The following NUP155 variants were observed in gnomAD, a reference collection of about 807,000 sequenced individuals.
NUP155 encodes the protein nuclear pore complex protein Nup155.
A neutral mutation model predicts 180.4 loss-of-function variants in NUP155; 71 were observed. The ratio of observed to expected loss-of-function variants is 0.39; its 90% CI spans 0.33 to 0.48. The LOEUF is 0.48. NUP155 is among the 20% of genes least tolerant of loss of function. The pLI, the probability that NUP155 is intolerant of heterozygous loss-of-function variation, is 0.91. For missense variants in NUP155, 1,553 were observed against 1,648.9 expected (o/e 0.94, Z 1.01); for synonymous variants, 582 against 559.5 (o/e 1.04, Z -0.57).
In NUP155 at chr5:37,349,710, G is replaced by A. The variant is rs189640420; in HGVS notation, c.829+450C>T. Among the ~76,000 whole-genome samples the A allele has an allele frequency of 2.6e-5, 4 of 152,236 alleles. No individual in the cohort carries two copies. The East Asian group carries it at 7.7e-4, about 29-fold the overall frequency. On this transcript the variant is annotated intron_variant, in intron 7 of 34. Coordinates refer to ENST00000231498, the MANE Select transcript of NUP155 (RefSeq NM_153485.3). ...TGAAAGAAAATAATTTTAAAATTCA[G>A]TCATATTAATCTTTGGGTATACAGA...
At chr5:37,294,290 TA>T in intron 33 of NUP155, 38 bp downstream of exon 33, 1 of 1,378,262 alleles carries the variant, frequency 7.3e-7, no homozygotes, top group East Asian at 2.5e-5. Context: ...TTACTTTAAT[TA>T]AAGAAAATAA....
intron 3 of NUP155, among the ~76,000 whole-genome samples, chr5:37,360,696 G>C (rs1747145486): frequency 1.3e-5 from 2 of 149,882 alleles, no homozygotes; most frequent in African/African-American, 4.9e-5. Flanking sequence ...TGAGGCAGGA[G>C]AATCACTTGA....
intron 20 of NUP155, among the ~76,000 whole-genome samples, chr5:37,321,256 G>C (rs1744224165): frequency 6.6e-6 from 1 of 152,218 alleles, no homozygotes; most frequent in Non-Finnish European, 1.5e-5. Context: ...TGAGGCAGGA[G>C]AATCGCTTGA....
In NUP155 at chr5:37,294,437, C is replaced by G; in HGVS notation, c.3822G>C (p.Gln1274His). 1 of 1,613,734 alleles carries G rather than the reference C, an allele frequency of 6.2e-7. No homozygotes were observed. Among genetic ancestry groups the G allele is most frequent in the Non-Finnish European group, 8.5e-7 (1 of 1,179,812 alleles). The change falls in exon 33 of 35, where the codon CAG becomes CAC. Residue 1274 changes from glutamine to histidine, a missense_variant. Transcript: ENST00000231498. The stretch of plus-strand genomic sequence containing the variant: ...CCACATCCCAGTTCAAAGTACAAAC[C>G]TGCTGTTCTAAAAACTGTACAATAA... ...LDFIVQFLEQ[Q>H]VCTLNWDVGF... is the part of the protein sequence containing the mutation.
chr5:37,348,995 A>T (rs938279836), intron 8 of NUP155, among the ~76,000 whole-genome samples, 177 bp downstream of exon 8: 5 of 151,602 alleles, frequency 3.3e-5, no homozygotes, highest in Non-Finnish European at 7.4e-5. Context: ...ACCTCAGGTG[A>T]TCCGCCCACC....
At chr5:37,329,965 A>G (rs1744847211) in intron 15 of NUP155, 73 bp downstream of exon 15, 2 of 1,070,764 alleles carry the variant, frequency 1.9e-6, no homozygotes, top group East Asian at 5.0e-5. Context: ...AGGCTTTATC[A>G]CATTGATAAA....
At chr5:37,313,472 T>C (rs1033188735) in intron 22 of NUP155, among the ~76,000 whole-genome samples, 11 of 91,724 alleles carry the variant, frequency 1.2e-4, no homozygotes, top group East Asian at 1.1e-3. Context: ...GAGTGGTGTA[T>C]ATGTGTGTGT....
intron 9 of NUP155, among the ~76,000 whole-genome samples, chr5:37,346,732 T>C (rs1050007102): frequency 2.0e-5 from 3 of 152,104 alleles, no homozygotes; most frequent in Non-Finnish European, 4.4e-5. Flanking sequence ...TTGGGATATG[T>C]GCAAATGGTA....
chr5:37,339,443 C>T (rs1382927607), intron 11 of NUP155, among the ~76,000 whole-genome samples: 1 of 151,916 alleles, frequency 6.6e-6, no homozygotes, highest in Non-Finnish European at 1.5e-5. Flanking sequence ...GCCTGGGAAA[C>T]ATGGTGAAAC....
intron 20 of NUP155, among the ~76,000 whole-genome samples, chr5:37,320,756 A>G (rs577648926): frequency 2.0e-5 from 3 of 152,174 alleles, no homozygotes; most frequent in African/African-American, 4.8e-5. Context: ...ATAATGTTAG[A>G]AAAAAAACCA....
In NUP155 at chr5:37,291,853, G is replaced by A; in HGVS notation, c.*47C>T. 1 of 1,578,998 alleles carries A rather than the reference G, an allele frequency of 6.3e-7. No homozygotes were observed. The highest frequency in any genetic ancestry group is 8.7e-7 in the Non-Finnish European group (1 of 1,148,664). ...ACACCTGATATCTGGACCCAGCTGA[G>A]TTTTTATTTTACAGATCATAAAACG... On this transcript the variant is annotated 3_prime_UTR_variant, in exon 35 of 35. Transcript: ENST00000231498.
chr5:37,370,644 GA>G lies in NUP155; in HGVS notation c.157+176del, dbSNP rs372907708. Reference sequence around the variant, plus strand: ...TGCCCTCTCAAGTATCTACAATGAAGAAAGTGAGGAAAGGAAAAAACCTGAA... The same window carrying G: ...TGCCCTCTCAAGTATCTACAATGAAGAAGTGAGGAAAGGAAAAAACCTGAA... On this transcript the variant is annotated intron_variant, in intron 1 of 34. Coordinates refer to ENST00000231498, the MANE Select transcript of NUP155 (RefSeq NM_153485.3). The G allele has an allele frequency of 3.7e-4, 582 of 1,557,978 alleles. 8 individuals carry two copies. In the South Asian group the frequency reaches 6.7e-3, roughly 18 times the overall value.
At chr5:37,311,690 C>T (rs1473691914) in intron 22 of NUP155, among the ~76,000 whole-genome samples, 1 of 149,204 alleles carries the variant, frequency 6.7e-6, no homozygotes, top group Non-Finnish European at 1.5e-5. Context: ...TACAGAATTG[C>T]AGCTAGTAAC....
rs574570559 is a variant in NUP155 at position 37,318,061 on chromosome 5, C to T, written c.2232G>A (p.Arg744=). The part of the protein sequence containing the change: ...NPNTTAKVQQ[R]LIGFMRPENG... ...TTTCAGGACGCATGAATCCTATCAG[C>T]CTCTGCTGCACTTTAGCAGTAGTAC... The change falls in exon 21 of 35, where the codon AGG becomes AGA. Residue 744 remains arginine, a synonymous_variant. Coordinates refer to ENST00000231498, the MANE Select transcript of NUP155 (RefSeq NM_153485.3). The T allele has an allele frequency of 4.3e-6, 7 of 1,611,138 alleles. No homozygotes were observed. In the African/African-American group the frequency reaches 8.0e-5, roughly 18 times the overall value.
At chr5:37,337,999 C>T (rs527745285) in intron 11 of NUP155, 81 bp from the exon 12 acceptor site, 1 of 910,800 alleles carries the variant, frequency 1.1e-6, no homozygotes, top group African/African-American at 1.7e-5. Context: ...TAGGTTAGTG[C>T]AAAAGCAATT....
chr5:37,335,964 CAA>C (rs1209291642), intron 12 of NUP155, among the ~76,000 whole-genome samples: 4 of 145,768 alleles, frequency 2.7e-5, no homozygotes, highest in Non-Finnish European at 6.1e-5. Flanking sequence ...AACCTTGTCT[CAA>C]AAAAAAAAGT....
At chr5:37,299,713 T>C (rs1742763650) in intron 30 of NUP155, 145 bp from the exon 31 acceptor site, 1 of 856,344 alleles carries the variant, frequency 1.2e-6, no homozygotes, top group African/African-American at 1.7e-5. Context: ...ATGATGTATG[T>C]AGCTGGTTAT....
At chr5:37,343,135 C>T (rs535930507) in intron 9 of NUP155, among the ~76,000 whole-genome samples, 10 of 151,616 alleles carry the variant, frequency 6.6e-5, no homozygotes, top group South Asian at 6.3e-4. Flanking sequence ...AGTGCAGTGG[C>T]GCCATCTCCA....
intron 9 of NUP155, among the ~76,000 whole-genome samples, chr5:37,345,462 G>T (rs1171754663): frequency 7.3e-6 from 1 of 137,930 alleles, no homozygotes; most frequent in Admixed American, 8.1e-5. Context: ...AGTAAGCCAC[G>T]ATCGCACCAC....
Sources: allele counts gnomAD v4.1 joint callset (sites outside exome capture counted in the v4.1 genomes callset), GRCh38; gene constraint gnomAD v4.1.1; transcripts MANE v1.5; gene names NCBI Gene and HGNC (gene_info 2026-07-23, HGNC 2026-07-21).